The following SLC24A3 variants were observed in gnomAD, a reference collection of about 807,000 sequenced individuals.
The protein encoded by SLC24A3 is sodium/potassium/calcium exchanger 3.
Under a neutral mutation model 75.8 loss-of-function variants are expected in SLC24A3, and 28 were observed. The observed-to-expected ratio is 0.37, with a 90% CI of 0.27 to 0.51. SLC24A3 has a LOEUF of 0.51. Ranked by LOEUF, SLC24A3 falls within the 20% of genes least tolerant of loss-of-function variation. The pLI, the probability that SLC24A3 is intolerant of heterozygous loss-of-function variation, is 0.94. For missense variants in SLC24A3, 663 were observed against 847.8 expected, an observed-to-expected ratio of 0.78 and a Z score of 2.71; for synonymous variants, 372 against 334.1, an observed-to-expected ratio of 1.11 and a Z score of -1.24.
intron 2 of SLC24A3, among the ~76,000 whole-genome samples, chr20:19,471,637 T>C (rs1000849770): frequency 7.0e-6 from 1 of 142,812 alleles, no homozygotes; most frequent in African/African-American, 2.5e-5. Context: ...ATGTTTCTAC[T>C]TGGCCCTCAG....
At chr20:19,486,602 G>A (rs1282147367) in intron 2 of SLC24A3, among the ~76,000 whole-genome samples, 1 of 152,146 alleles carries the variant, frequency 6.6e-6, no homozygotes. Context: ...AAAGTATGTG[G>A]TTCTCATTTA....
chr20:19,486,026 G>A (rs1988122513), intron 2 of SLC24A3, among the ~76,000 whole-genome samples: 1 of 152,088 alleles, frequency 6.6e-6, no homozygotes, highest in Admixed American at 6.5e-5. Context: ...GCTGCAGTGT[G>A]GGGGTGTGGG....
chr20:19,713,273 T>C (rs1204636720), intron 15 of SLC24A3, among the ~76,000 whole-genome samples: 2 of 152,230 alleles, frequency 1.3e-5, no homozygotes, highest in Non-Finnish European at 2.9e-5. Context: ...GGTATAATTC[T>C]TCCAACTTTC....
chr20:19,397,456 G>A (rs1986473783), intron 2 of SLC24A3, among the ~76,000 whole-genome samples: 1 of 152,138 alleles, frequency 6.6e-6, no homozygotes, highest in Non-Finnish European at 1.5e-5. Flanking sequence ...TTGAGCCCAG[G>A]AGTTGAGCAG....
intron 1 of SLC24A3, among the ~76,000 whole-genome samples, chr20:19,265,523 T>C (rs1269877705): frequency 6.6e-6 from 1 of 152,178 alleles, no homozygotes; most frequent in Non-Finnish European, 1.5e-5. Context: ...TGGGATGGGA[T>C]TTTTTTAAAA....
intron 2 of SLC24A3, among the ~76,000 whole-genome samples, chr20:19,384,330 C>T (rs952995831): frequency 5.9e-5 from 9 of 152,184 alleles, no homozygotes; most frequent in African/African-American, 1.9e-4. Context: ...AACATCTCAA[C>T]ATCTCCTTTG....
At chr20:19,654,833 G>C (rs1276293233) in intron 7 of SLC24A3, among the ~76,000 whole-genome samples, 3 of 151,730 alleles carry the variant, frequency 2.0e-5, no homozygotes, top group Non-Finnish European at 4.4e-5. Context: ...TTTTAGTAGA[G>C]ATGGGGTTTC....
intron 2 of SLC24A3, among the ~76,000 whole-genome samples, chr20:19,341,427 T>TCCATC (rs1196664773): frequency 6.6e-6 from 1 of 152,146 alleles, no homozygotes; most frequent in Non-Finnish European, 1.5e-5. Flanking sequence ...CTGGACCTAG[T>TCCATC]CCATCCACTG....
At chr20:19,550,112 A>C (rs777222451) in intron 3 of SLC24A3, among the ~76,000 whole-genome samples, 4 of 152,182 alleles carry the variant, frequency 2.6e-5, no homozygotes, top group Non-Finnish European at 5.9e-5. Flanking sequence ...AATACAAAGA[A>C]AAGCTTTGAG....
intron 2 of SLC24A3, chr20:19,355,273 A>G (rs1483353957): frequency 6.6e-6 from 1 of 152,192 alleles, no homozygotes; most frequent in African/African-American, 2.4e-5. Flanking sequence ...GACTTTATCC[A>G]CTAGCTCGGT....
chr20:19,535,680 G>C (rs981955266), intron 3 of SLC24A3, among the ~76,000 whole-genome samples: 1 of 152,180 alleles, frequency 6.6e-6, no homozygotes, highest in African/African-American at 2.4e-5. Flanking sequence ...TGAGAGAGAA[G>C]AACTGGGGTT....
At chr20:19,711,973 G>A (rs1568708031) in intron 15 of SLC24A3, among the ~76,000 whole-genome samples, 5 of 149,050 alleles carry the variant, frequency 3.4e-5, no homozygotes, top group Admixed American at 2.0e-4. Flanking sequence ...TTGGGGTAGG[G>A]TTTTGCTCTG....
intron 2 of SLC24A3, among the ~76,000 whole-genome samples, chr20:19,312,561 T>C (rs1984485928): frequency 6.6e-6 from 1 of 152,188 alleles, no homozygotes; most frequent in South Asian, 2.1e-4. Flanking sequence ...GAAGGTGGGA[T>C]TCTTCATGAT....
intron 2 of SLC24A3, among the ~76,000 whole-genome samples, chr20:19,503,521 T>G (rs1341438285): frequency 2.0e-5 from 3 of 152,206 alleles, no homozygotes; most frequent in Non-Finnish European, 4.4e-5. Context: ...TGCAGATTCT[T>G]TAGTGCTTTG....
At chr20:19,457,778 G>A (rs770126827) in intron 2 of SLC24A3, among the ~76,000 whole-genome samples, 4 of 152,186 alleles carry the variant, frequency 2.6e-5, no homozygotes, top group African/African-American at 4.8e-5. Flanking sequence ...ATCCCATCTG[G>A]AAGAGGTTGA....
At chr20:19,456,722 A>T (rs1987584179) in intron 2 of SLC24A3, among the ~76,000 whole-genome samples, 2 of 152,226 alleles carry the variant, frequency 1.3e-5, no homozygotes, top group Non-Finnish European at 2.9e-5. Flanking sequence ...CTGTCAACTC[A>T]TGAATCCCAA....
At chr20:19,397,641 TCTTTTC>T (rs1986478024) in intron 2 of SLC24A3, among the ~76,000 whole-genome samples, 1 of 113,842 alleles carries the variant, frequency 8.8e-6, no homozygotes, top group Non-Finnish European at 1.7e-5. Flanking sequence ...GCTTTTTTTT[TCTTTTC>T]TTTTTTTTTT....
At chr20:19,514,170 C>T (rs904182103) in intron 2 of SLC24A3, among the ~76,000 whole-genome samples, 8 of 152,172 alleles carry the variant, frequency 5.3e-5, no homozygotes, top group Non-Finnish European at 1.0e-4. Context: ...ACAAATCCTC[C>T]GGGCAAGCCA....
chr20:19,692,001 G>A (rs1210723870), intron 12 of SLC24A3, among the ~76,000 whole-genome samples: 2 of 152,138 alleles, frequency 1.3e-5, no homozygotes, highest in Non-Finnish European at 2.9e-5. Context: ...TTTAAGAGAG[G>A]CCAGAGGGTG....
Sources: gnomAD v4.1 joint callset for allele counts (sites outside exome capture counted in the v4.1 genomes callset) on GRCh38, gnomAD v4.1.1 for gene constraint, MANE v1.5 for transcripts, NCBI Gene and HGNC (gene_info 2026-07-23, HGNC 2026-07-21) for gene names.